The following DDHD1 variants were observed in gnomAD, a reference collection of about 807,000 sequenced individuals.
DDHD1 encodes the protein phospholipase DDHD1.
In DDHD1, 49 loss-of-function variants were observed where a neutral mutation model predicts 96.4. That is an observed-to-expected ratio of 0.51 (90% CI 0.40 to 0.64). The LOEUF (loss-of-function observed/expected upper bound fraction) is 0.64, where lower values mean the gene tolerates loss of function less well. Ranked by LOEUF, DDHD1 falls within the 30% of genes least tolerant of loss-of-function variation. The pLI is 0.00. For synonymous variants in DDHD1, 442 were observed against 446.5 expected, an observed-to-expected ratio of 0.99 and a Z score of 0.13; for missense variants, 1,106 against 1,161.2, an observed-to-expected ratio of 0.95 and a Z score of 0.69.
Position 53,153,202 on chromosome 14 carries a change from T to A in DDHD1, c.-104A>T. The stretch of plus-strand genomic sequence containing the variant: ...CGCCCTCTCCACCCGAAGTTTCTAA[T>A]CTTTCAAATCCCGACCCGAGCTGCG... On this transcript the variant is annotated 5_prime_UTR_variant, in exon 1 of 13. Coordinates refer to ENST00000673822, the MANE Select transcript of DDHD1 (RefSeq NM_001160148.2). The A allele has an allele frequency of 9.4e-7, 1 of 1,069,422 alleles. No individual in the cohort carries two copies. The highest frequency in any genetic ancestry group is 1.2e-6 in the Non-Finnish European group (1 of 809,922). 66.2% of individuals were successfully genotyped at this position (1,069,422 alleles called of 1,614,324 possible). A position where few individuals can be genotyped will look rare whatever the true frequency, so the allele number is the denominator to read the frequency against.
intron 4 of DDHD1, among the ~76,000 whole-genome samples, chr14:53,080,134 C>G (rs905002253): frequency 6.6e-6 from 1 of 152,122 alleles, no homozygotes; most frequent in Non-Finnish European, 1.5e-5. Context: ...CCAAGGCAGG[C>G]AGATCACTTG....
At chr14:53,055,001 C>T (rs188191123) in intron 10 of DDHD1, among the ~76,000 whole-genome samples, 8 of 152,158 alleles carry the variant, frequency 5.3e-5, no homozygotes, top group Admixed American at 4.6e-4. Context: ...TTTAAATGGA[C>T]ATGTAAGAAA....
chr14:53,152,489 G>A lies in DDHD1; in HGVS notation c.610C>T (p.Arg204Trp), dbSNP rs1303476683. Reference sequence around the variant, plus strand: ...CCGTCCCGGTCCCCGCCCTGGGGCCGGGCACCCGTGGTCTGCAGCAGGGTC... The same window carrying A: ...CCGTCCCGGTCCCCGCCCTGGGGCCAGGCACCCGTGGTCTGCAGCAGGGTC... ...FRTLLQTTGA[R>W]PQGGDRDGDH... Residue 204 changes from arginine to tryptophan, a missense_variant, in exon 1 of 13, where the codon CGG (arginine) becomes TGG (tryptophan). Coordinates refer to ENST00000673822, the MANE Select transcript of DDHD1 (RefSeq NM_001160148.2). The A allele has an allele frequency of 2.5e-6, 4 of 1,613,046 alleles. No homozygotes were observed. The highest frequency in any genetic ancestry group is 4.5e-5 in the East Asian group (2 of 44,842).
At chr14:53,099,445 G>A (rs990640528) in intron 2 of DDHD1, among the ~76,000 whole-genome samples, 1 of 151,990 alleles carries the variant, frequency 6.6e-6, no homozygotes, top group Non-Finnish European at 1.5e-5. Context: ...ATATTTACTT[G>A]TCTTTCATGA....
rs570950752 is a variant in DDHD1 at position 53,046,830 on chromosome 14, A to G, written c.2641T>C (p.Leu881=). The G allele has an allele frequency of 7.4e-6, 12 of 1,613,288 alleles. No individual in the cohort carries two copies. Among genetic ancestry groups the G allele is most frequent in the East Asian group, 2.2e-5 (1 of 44,832 alleles). The change falls in exon 13 of 13, where the codon TTA becomes CTA. Residue 881 remains leucine (L), a synonymous_variant. Transcript: ENST00000673822. ...WSSLDVALFL[L]TFMYKHEHDD... ...TGCTCATGTTTATACATGAAGGTTA[A>G]AAGAAAAAGGGCAACATCCAAGGAT...
rs993767852 is a variant in DDHD1 at position 53,132,748 on chromosome 14, C to T, written c.838+19513G>A. ...CTCAAGGCCGCTTTACTTCCAAAGGCCACTTTACTTCAAAAGGAAGCTGGA... is the reference window on the plus strand; with the variant it reads ...CTCAAGGCCGCTTTACTTCCAAAGGTCACTTTACTTCAAAAGGAAGCTGGA... On this transcript the variant is annotated intron_variant, in intron 1 of 12. Coordinates refer to ENST00000673822, the MANE Select transcript of DDHD1 (RefSeq NM_001160148.2). Among the ~76,000 whole-genome samples, 9 of 152,096 alleles carry T rather than the reference C, an allele frequency of 5.9e-5. No homozygotes were observed. In the East Asian group the frequency reaches 1.7e-3, roughly 29 times the overall value.
intron 8 of DDHD1, among the ~76,000 whole-genome samples, chr14:53,059,339 G>A (rs1199367436): frequency 6.6e-6 from 1 of 151,942 alleles, no homozygotes; most frequent in Non-Finnish European, 1.5e-5. Flanking sequence ...CCGCCTCCTG[G>A]GTTCACGCTA....
intron 4 of DDHD1, among the ~76,000 whole-genome samples, chr14:53,074,306 T>C (rs1884770232): frequency 6.6e-6 from 1 of 151,808 alleles, no homozygotes; most frequent in Non-Finnish European, 1.5e-5. Context: ...GTTATATAAA[T>C]TTTAGCACAT....
intron 4 of DDHD1, among the ~76,000 whole-genome samples, chr14:53,079,055 CCA>C (rs1006512189): frequency 2.6e-5 from 4 of 151,628 alleles, no homozygotes; most frequent in African/African-American, 9.7e-5. Flanking sequence ...TGGATAAATC[CCA>C]CTTAGTCATG....
At chr14:53,119,143 T>C (rs1888784355) in intron 1 of DDHD1, among the ~76,000 whole-genome samples, 1 of 152,130 alleles carries the variant, frequency 6.6e-6, no homozygotes, top group Admixed American at 6.5e-5. Flanking sequence ...AGGCCTGCCT[T>C]ACAAGAGCTC....
rs776277169 is a variant in DDHD1, at chr14:53,152,519, A to G, written c.580T>C (p.Phe194Leu). 6.2e-7 allele frequency: 1 copy of G among 1,613,278 alleles called. No individual in the cohort carries two copies. Among genetic ancestry groups the G allele is most frequent in the African/African-American group, 1.3e-5 (1 of 74,912 alleles). The change falls in exon 1 of 13, where the codon TTC (phenylalanine) becomes CTC (leucine). Residue 194 changes from phenylalanine to leucine, a missense_variant. Phe to Leu is a conservative substitution (Grantham distance 22, BLOSUM62 0). Coordinates refer to ENST00000673822, the MANE Select transcript of DDHD1 (RefSeq NM_001160148.2). ...GYDSLRIELA[F>L]RTLLQTTGAR... ...CCCGTGGTCTGCAGCAGGGTCCGGA[A>G]GGCGAGCTCGATGCGGAGCGAGTCG...
At chr14:53,065,679 G>A (rs1342014241) in intron 6 of DDHD1, among the ~76,000 whole-genome samples, 1 of 152,176 alleles carries the variant, frequency 6.6e-6, no homozygotes, top group East Asian at 1.9e-4. Flanking sequence ...GAATCTGAGA[G>A]TTAAAAGGGA....
intron 1 of DDHD1, among the ~76,000 whole-genome samples, chr14:53,137,095 C>A (rs1890294669): frequency 6.6e-6 from 1 of 151,882 alleles, no homozygotes; most frequent in South Asian, 2.1e-4. Flanking sequence ...CAAAAAAATA[C>A]CTAAAATGAA....
intron 12 of DDHD1, 130 bp from the exon 13 acceptor site, chr14:53,047,079 T>C (rs1324636331): frequency 1.6e-6 from 1 of 631,504 alleles, no homozygotes; most frequent in African/African-American, 1.9e-5. Context: ...AGAAGTGACT[T>C]TCCATTATCA....
intron 8 of DDHD1, among the ~76,000 whole-genome samples, chr14:53,059,709 C>T (rs1883377656): frequency 6.7e-6 from 1 of 148,628 alleles, no homozygotes; most frequent in Non-Finnish European, 1.5e-5. Context: ...ACTAAAAATA[C>T]AAAAATTAGC....
chr14:53,063,650 G>C (rs1883786284), intron 6 of DDHD1, among the ~76,000 whole-genome samples: 1 of 151,940 alleles, frequency 6.6e-6, no homozygotes, highest in African/African-American at 2.4e-5. Context: ...TATGATAATA[G>C]GTATACTAAC....
chr14:53,068,166 A>T (rs1390569080), intron 6 of DDHD1, among the ~76,000 whole-genome samples: 1 of 151,420 alleles, frequency 6.6e-6, no homozygotes, highest in Admixed American at 6.6e-5. Context: ...TCAGGATGAG[A>T]TACGGTATTT....
chr14:53,054,928 T>A (rs1882909864), intron 10 of DDHD1, among the ~76,000 whole-genome samples: 1 of 152,178 alleles, frequency 6.6e-6, no homozygotes. Context: ...ATTAAAGTCT[T>A]TGATAAAAGA....
intron 1 of DDHD1, among the ~76,000 whole-genome samples, chr14:53,123,405 C>A (rs1889164338): frequency 1.3e-5 from 2 of 152,240 alleles, no homozygotes; most frequent in Non-Finnish European, 2.9e-5. Context: ...ACCTCGGCCA[C>A]CCAAAGTGCT....
Sources: allele counts gnomAD v4.1 joint callset (sites outside exome capture counted in the v4.1 genomes callset), GRCh38; gene constraint gnomAD v4.1.1; transcripts MANE v1.5; gene names NCBI Gene and HGNC (gene_info 2026-07-23, HGNC 2026-07-21).